Variants in GSDME observed in about 807,000 individuals in gnomAD.
The protein encoded by GSDME is gasdermin-E.
A neutral mutation model predicts 47.5 loss-of-function variants in GSDME; 44 were observed. The ratio of observed to expected loss-of-function variants is 0.93; its 90% CI spans 0.73 to 1.19. The LOEUF (loss-of-function observed/expected upper bound fraction) is 1.19, where lower values mean the gene tolerates loss of function less well. Among genes scored for constraint, GSDME ranks in the 50% most tolerant of loss-of-function variants. The pLI, the probability that GSDME is intolerant of heterozygous loss-of-function variation, is 0.00. For missense variants in GSDME, 663 were observed against 604.2 expected, an observed-to-expected ratio of 1.10 and a Z score of -1.02; for synonymous variants, 258 against 252.8, an observed-to-expected ratio of 1.02 and a Z score of -0.20.
intron 3 of GSDME, among the ~76,000 whole-genome samples, chr7:24,730,168 T>C (rs111769989): frequency 0.016 from 2,428 of 152,282 alleles, 73 homozygotes; most frequent in African/African-American, 0.056. Flanking sequence ...TGTCAAACAC[T>C]ATATGAACAG....
chr7:24,794,631 C>T, the GSDME span, among the ~76,000 whole-genome samples: 2 of 152,142 alleles, frequency 1.3e-5, no homozygotes, highest in Non-Finnish European at 2.9e-5. Flanking sequence ...CTCTAATGCC[C>T]GCCAATCTAT....
chr7:24,783,838 T>A, the GSDME span, among the ~76,000 whole-genome samples: 3 of 151,940 alleles, frequency 2.0e-5, no homozygotes, highest in Non-Finnish European at 4.4e-5. Flanking sequence ...TTATGGGTGG[T>A]AGTGACATTT....
chr7:24,738,131 A>G (rs1244594650), intron 3 of GSDME, among the ~76,000 whole-genome samples: 1 of 152,202 alleles, frequency 6.6e-6, no homozygotes, highest in South Asian at 2.1e-4. Context: ...AGCTAGGGCA[A>G]TCAGACAAGA....
At chr7:24,782,914 G>T in the GSDME span, among the ~76,000 whole-genome samples, 1 of 152,158 alleles carries the variant, frequency 6.6e-6, no homozygotes, top group Non-Finnish European at 1.5e-5. Context: ...TGATGGGGTT[G>T]TTTGCAAAAA....
At chr7:24,788,829 G>A in the GSDME span, among the ~76,000 whole-genome samples, 1 of 152,266 alleles carries the variant, frequency 6.6e-6, no homozygotes, top group South Asian at 2.1e-4. This position sits in a 1 kb window ranked among gnomAD's most constrained non-coding sequence, Gnocchi z 4.6. Flanking sequence ...GAATAATGCT[G>A]AAAAACAGTC....
intron 5 of GSDME, among the ~76,000 whole-genome samples, chr7:24,713,979 A>C (rs1474409062): frequency 6.6e-6 from 1 of 152,218 alleles, no homozygotes; most frequent in Non-Finnish European, 1.5e-5. Context: ...GTGGGGAAGC[A>C]GGGAGATGGT....
At chr7:24,704,758 T>G (rs917458223) in intron 8 of GSDME, 4 of 151,908 alleles carry the variant, frequency 2.6e-5, no homozygotes, top group Non-Finnish European at 5.9e-5. Flanking sequence ...TGCAATGGCG[T>G]CCATAGTTCA....
At position 24,721,327 on chromosome 7, in the gene GSDME, T is replaced by C. The variant is rs1789776635; in HGVS notation, c.405-2109A>G. Among the ~76,000 whole-genome samples the C allele has an allele frequency of 6.6e-6, 1 of 152,188 alleles. No homozygotes were observed. Among genetic ancestry groups the C allele is most frequent in the East Asian group, 1.9e-4 (1 of 5,192 alleles). ...GTACTGGTTAAGGAAATTCAAATTA[T>C]AAAAATGTCTCACACGTGATAAAAA... is the stretch of plus-strand genomic sequence containing the variant. On this transcript the variant is annotated intron_variant, in intron 3 of 9. Transcript: ENST00000645220. This position sits in a 1 kb window ranked among gnomAD's most constrained non-coding sequence, Gnocchi z 4.1.
At chr7:24,753,483 G>T (rs1790920390) in intron 1 of GSDME, among the ~76,000 whole-genome samples, 2 of 152,200 alleles carry the variant, frequency 1.3e-5, no homozygotes, top group Admixed American at 6.5e-5. Context: ...ACCCCATACG[G>T]ATGTCCTCTT....
chr7:24,792,390 C>A, the GSDME span, among the ~76,000 whole-genome samples: 1 of 152,158 alleles, frequency 6.6e-6, no homozygotes, highest in Non-Finnish European at 1.5e-5. Flanking sequence ...TTGTCGAAAT[C>A]TCCTCAGATA....
rs1790631833 is a variant in GSDME at position 24,745,259 on chromosome 7, G to A, written c.212-505C>T. 6.6e-6 allele frequency among the ~76,000 whole-genome samples: 1 copy of A among 152,148 alleles called. No homozygotes were observed. The highest frequency in any genetic ancestry group is 1.5e-5 in the Non-Finnish European group (1 of 68,032). On this transcript the variant is annotated intron_variant, in intron 2 of 9. Transcript: ENST00000645220. The surrounding 1 kb of genome is among the most constrained non-coding windows in gnomAD (Gnocchi z 4.4). ...TAGACAAAGAAGACAACTAAACAGA[G>A]AGAGAACAGCAGCCCCTATTCTGGA... is the stretch of plus-strand genomic sequence containing the variant.
chr7:24,751,101 A>T (rs1261228396), intron 1 of GSDME, among the ~76,000 whole-genome samples: 2 of 152,220 alleles, frequency 1.3e-5, no homozygotes, highest in Non-Finnish European at 2.9e-5. Context: ...TGAGAAAATA[A>T]TTGTAATATT....
At position 24,735,945 on chromosome 7, in the gene GSDME, G is replaced by A. The variant is rs931877915; in HGVS notation, c.404+8617C>T. 1.3e-5 allele frequency among the ~76,000 whole-genome samples: 2 copies of A among 152,058 alleles called. No homozygotes were observed. Among genetic ancestry groups the A allele is most frequent in the Admixed American group, 6.6e-5 (1 of 15,258 alleles). ...TATTTGTTTATGCTAGCAGTGTTAA[G>A]TTGTTATCAGCTTAAAATAATGGGT... On this transcript the variant is annotated intron_variant, in intron 3 of 9. Transcript: ENST00000645220. The surrounding 1 kb of genome is among the most constrained non-coding windows in gnomAD (Gnocchi z 4.4).
chr7:24,793,413 A>C, the GSDME span, among the ~76,000 whole-genome samples: 40 of 152,338 alleles, frequency 2.6e-4, no homozygotes, highest in Middle Eastern at 6.8e-3. Context: ...AAACTTGCTT[A>C]AATCTTCAAA....
intron 1 of GSDME, among the ~76,000 whole-genome samples, chr7:24,753,930 T>C (rs1790934310): frequency 6.6e-6 from 1 of 152,142 alleles, no homozygotes. Context: ...ACACATAAGA[T>C]AACTAGTCAG....
At chr7:24,750,575 C>T (rs943645799) in intron 1 of GSDME, among the ~76,000 whole-genome samples, 5 of 152,190 alleles carry the variant, frequency 3.3e-5, no homozygotes, top group Admixed American at 3.3e-4. Context: ...ATCACGTCAC[C>T]ATACTCCAGT....
At chr7:24,715,480 G>A (rs756934219) in intron 5 of GSDME, 69 of 470,922 alleles carry the variant, frequency 1.5e-4, no homozygotes, top group Non-Finnish European at 2.6e-4. Context: ...GTTTCTGTGT[G>A]TCAATCATAC....
At chr7:24,785,451 TTTTG>T in the GSDME span, among the ~76,000 whole-genome samples, 8 of 152,178 alleles carry the variant, frequency 5.3e-5, no homozygotes, top group East Asian at 1.9e-4. Context: ...TAATTCACTT[TTTTG>T]TTTGTTTGTT....
At chr7:24,743,550 T>TCC (rs993403314) in intron 3 of GSDME, among the ~76,000 whole-genome samples, 12 of 152,304 alleles carry the variant, frequency 7.9e-5, no homozygotes, top group Non-Finnish European at 1.2e-4. Flanking sequence ...TTACGCCCCT[T>TCC]CCCTGCCCAA....
Sources: allele counts gnomAD v4.1 joint callset (sites outside exome capture counted in the v4.1 genomes callset), GRCh38; gene constraint gnomAD v4.1.1; non-coding constraint Gnocchi (gnomAD v3.1); transcripts MANE v1.5; gene names NCBI Gene and HGNC (gene_info 2026-07-23, HGNC 2026-07-21).